Variants in STK32A observed in about 807,000 individuals in gnomAD.
STK32A encodes the protein serine/threonine-protein kinase 32A.
STK32A carries 41 observed loss-of-function variants against 53.2 expected under a neutral mutation model. The ratio of observed to expected loss-of-function variants is 0.77; its 90% confidence interval spans 0.60 to 1.00. The LOEUF is 1.00. Ranked by LOEUF, STK32A falls within the 50% of genes least tolerant of loss-of-function variation. The pLI is 0.00. For missense variants in STK32A, 458 were observed against 485.8 expected, an observed-to-expected ratio of 0.94 and a Z score of 0.54; for synonymous variants, 166 against 162.8, an observed-to-expected ratio of 1.02 and a Z score of -0.15.
intron 5 of STK32A, among the ~76,000 whole-genome samples, chr5:147,340,695 C>T (rs1350081648): frequency 1.3e-5 from 2 of 152,066 alleles, no homozygotes; most frequent in Admixed American, 1.3e-4. Flanking sequence ...TTTACAAATC[C>T]ACTTTCTCTT....
At chr5:147,303,268 C>T (rs570541907) in intron 4 of STK32A, among the ~76,000 whole-genome samples, 41 of 152,308 alleles carry the variant, frequency 2.7e-4, no homozygotes, top group Non-Finnish European at 4.7e-4. Flanking sequence ...TCTCATGATT[C>T]TGTAGATTGG....
chr5:147,348,818 A>G, intron 6 of STK32A: 1 of 714,342 alleles, frequency 1.4e-6, no homozygotes, highest in South Asian at 1.5e-5. Context: ...TTAAACGCTT[A>G]CTTCTTGCCA....
intron 4 of STK32A, among the ~76,000 whole-genome samples, chr5:147,323,168 C>T (rs1581093152): frequency 6.6e-6 from 1 of 152,188 alleles, no homozygotes; most frequent in East Asian, 1.9e-4. Context: ...GTAGGTCCAG[C>T]ATCGTGAGGA....
Position 147,351,171 on chromosome 5 carries a change from T to G in STK32A, c.562+17T>G. 1.9e-6 allele frequency: 3 copies of G among 1,600,060 alleles called. No homozygotes were observed. Among genetic ancestry groups the G allele is most frequent in the Non-Finnish European group, 2.6e-6 (3 of 1,170,668 alleles). On this transcript the variant is annotated intron_variant, in intron 7 of 12. Coordinates refer to ENST00000397936, the MANE Select transcript of STK32A (RefSeq NM_001112724.2). ...CTTACATGGGTATGGGTTTCATGAGTGTCTTTTTTTTTTCTTTCCTGTAAA... is the reference window on the plus strand; with the variant it reads ...CTTACATGGGTATGGGTTTCATGAGGGTCTTTTTTTTTTCTTTCCTGTAAA...
At chr5:147,370,597 T>A (rs79366764) in intron 8 of STK32A, 57 bp from the exon 9 acceptor site, 2 of 1,004,912 alleles carry the variant, frequency 2.0e-6, no homozygotes, top group Admixed American at 2.4e-5. Flanking sequence ...CATTTGGAAA[T>A]TTTTTTTTTC....
rs566677656 is a variant in STK32A, at chr5:147,373,804, T to C, written c.903+510T>C. ...ATAACCAAAGACATATAATTCCCAT[T>C]GGATGGATAGCCAAACCAATGGACT... On this transcript the variant is annotated intron_variant, in intron 10 of 12. Transcript: ENST00000397936. 1.1e-4 allele frequency among the ~76,000 whole-genome samples: 17 copies of C among 152,278 alleles called. No individual in the cohort carries two copies. The South Asian group carries it at 3.3e-3, about 30-fold the overall frequency.
chr5:147,358,962 A>G (rs1325150930), intron 7 of STK32A, among the ~76,000 whole-genome samples: 1 of 152,242 alleles, frequency 6.6e-6, no homozygotes, highest in Non-Finnish European at 1.5e-5. Context: ...AACAGGACAC[A>G]GTGATGGGGA....
intron 2 of STK32A, among the ~76,000 whole-genome samples, chr5:147,240,375 C>T (rs1031494174): frequency 6.6e-6 from 1 of 152,122 alleles, no homozygotes; most frequent in African/African-American, 2.4e-5. Flanking sequence ...AAAAATGCCC[C>T]AAGCCCCAGG....
rs1757573667 is a variant in STK32A at position 147,384,483 on chromosome 5, A to G, written c.*500A>G. The G allele has an allele frequency of 7.0e-7, 1 of 1,437,590 alleles. No homozygotes were observed. Among genetic ancestry groups the G allele is most frequent in the Non-Finnish European group, 9.4e-7 (1 of 1,060,908 alleles). 89.1% of individuals were successfully genotyped at this position (1,437,590 alleles called of 1,614,324 possible). On this transcript the variant is annotated 3_prime_UTR_variant, in exon 13 of 13. Transcript: ENST00000397936. ...TACTTGGATAAAGATAAGGAATTCT[A>G]TCAGGGAGGCATGAATGGAATCAGA...
intron 2 of STK32A, among the ~76,000 whole-genome samples, chr5:147,247,895 G>A (rs1753823815): frequency 6.6e-6 from 1 of 152,090 alleles, no homozygotes; most frequent in Non-Finnish European, 1.5e-5. Context: ...GCCGAGGTGG[G>A]CAGATCACCT....
intron 4 of STK32A, among the ~76,000 whole-genome samples, chr5:147,321,291 T>C (rs1053717436): frequency 6.6e-6 from 1 of 152,180 alleles, no homozygotes; most frequent in African/African-American, 2.4e-5. Context: ...AAAAATCAGA[T>C]GATATGAAGT....
intron 7 of STK32A, among the ~76,000 whole-genome samples, chr5:147,354,730 A>C (rs1756139275): frequency 6.6e-6 from 1 of 152,250 alleles, no homozygotes; most frequent in African/African-American, 2.4e-5. Context: ...CTAATAATTG[A>C]AAAGTCTAGA....
chr5:147,235,939 G>A (rs1753294925), intron 1 of STK32A, among the ~76,000 whole-genome samples: 1 of 152,118 alleles, frequency 6.6e-6, no homozygotes, highest in Non-Finnish European at 1.5e-5. Flanking sequence ...TTATTAACTT[G>A]GGCATTTTTC....
chr5:147,328,122 T>G (rs1289277082), intron 5 of STK32A, among the ~76,000 whole-genome samples: 1 of 152,188 alleles, frequency 6.6e-6, no homozygotes, highest in African/African-American at 2.4e-5. Flanking sequence ...TCATGAGAGC[T>G]CTGAGGGTGT....
chr5:147,374,478 G>A (rs1333939098), intron 10 of STK32A, among the ~76,000 whole-genome samples: 1 of 152,070 alleles, frequency 6.6e-6, no homozygotes. Flanking sequence ...GTAGGTCTGA[G>A]TTCTTACCTC....
At position 147,277,830 on chromosome 5, in the gene STK32A, C is replaced by G. The variant is rs541904885; in HGVS notation, c.53-294C>G. Among the ~76,000 whole-genome samples the G allele has an allele frequency of 2.0e-5, 3 of 152,220 alleles. No individual in the cohort carries two copies. The South Asian group carries it at 6.2e-4, about 32-fold the overall frequency. ...TTGAATTTTCCATTTATTTTTGTGA[C>G]CATTTAGTCTATAAGAGTCTCCGTC... On this transcript the variant is annotated intron_variant, in intron 2 of 12. Transcript: ENST00000397936.
chr5:147,238,947 T>A (rs1753447654), intron 1 of STK32A, among the ~76,000 whole-genome samples: 2 of 152,176 alleles, frequency 1.3e-5, no homozygotes, highest in Admixed American at 1.3e-4. Context: ...GTATTATACA[T>A]TTAACTTAAT....
chr5:147,278,266 G>T (rs1386514388), intron 3 of STK32A, 87 bp downstream of exon 3: 8 of 1,071,116 alleles, frequency 7.5e-6, no homozygotes, highest in Non-Finnish European at 9.6e-6. Context: ...TTATTGAGTT[G>T]CTGGGACCGC....
At chr5:147,286,540 A>T (rs982974503) in intron 4 of STK32A, among the ~76,000 whole-genome samples, 1 of 152,102 alleles carries the variant, frequency 6.6e-6, no homozygotes, top group Admixed American at 6.6e-5. Flanking sequence ...TCCTTTTGCT[A>T]GTCATGTGAA....
Sources: gnomAD v4.1 joint callset for allele counts (sites outside exome capture counted in the v4.1 genomes callset) on GRCh38, gnomAD v4.1.1 for gene constraint, MANE v1.5 for transcripts, NCBI Gene and HGNC (gene_info 2026-07-23, HGNC 2026-07-21) for gene names.